FAM20A: variants seen among roughly 807,000 people sequenced by gnomAD.
The protein encoded by FAM20A is FAM20A golgi associated secretory pathway pseudokinase.
A neutral mutation model predicts 52.0 loss-of-function variants in FAM20A; 42 were observed. The observed-to-expected ratio is 0.81, with a 90% CI of 0.63 to 1.04. The LOEUF (loss-of-function observed/expected upper bound fraction) is 1.04, where lower values mean the gene tolerates loss of function less well. FAM20A is among the 50% of genes least tolerant of loss of function. The pLI is 0.00. For synonymous variants in FAM20A, 304 were observed against 298.9 expected, an observed-to-expected ratio of 1.02 and a Z score of -0.18; for missense variants, 742 against 712.7, an observed-to-expected ratio of 1.04 and a Z score of -0.47.
At position 68,550,002 on chromosome 17, in the gene FAM20A, C is replaced by G. The variant is rs147376721; in HGVS notation, c.719+1871G>C. ...GCCAACCACTTTGTTTTGTTTGGGA[C>G]AGATACATTAACCTGGAATGACTTG... On this transcript the variant is annotated intron_variant, in intron 4 of 10. Transcript: ENST00000592554. 3.9e-4 allele frequency among the ~76,000 whole-genome samples: 59 copies of G among 152,300 alleles called. No individual in the cohort carries two copies. In the East Asian group the frequency reaches 0.011, roughly 27 times the overall value.
intron 1 of FAM20A, among the ~76,000 whole-genome samples, chr17:68,572,001 TATATATATATATATATATATATATA>T (rs1447828761): frequency 3.4e-5 from 3 of 88,634 alleles, no homozygotes; most frequent in Non-Finnish European, 6.2e-5. Flanking sequence ...TATATATATA[TATATATATATATATATATATATATA>T]TATATATATA....
intron 1 of FAM20A, among the ~76,000 whole-genome samples, chr17:68,567,466 C>G (rs2087409471): frequency 6.6e-6 from 1 of 151,888 alleles, no homozygotes; most frequent in African/African-American, 2.4e-5. Flanking sequence ...GTGAAGGCCA[C>G]CTGTCATAGG....
At chr17:68,574,781 T>C (rs937093258) in intron 1 of FAM20A, among the ~76,000 whole-genome samples, 1 of 152,212 alleles carries the variant, frequency 6.6e-6, no homozygotes, top group Admixed American at 6.5e-5. Context: ...GGCTGAATAA[T>C]GGTGCCCCCA....
chr17:68,547,277 AT>A (rs912095594), intron 4 of FAM20A, among the ~76,000 whole-genome samples: 2 of 152,010 alleles, frequency 1.3e-5, no homozygotes, highest in East Asian at 3.9e-4. Context: ...TATTATTATT[AT>A]TTTTTTATTA....
intron 3 of FAM20A, among the ~76,000 whole-genome samples, chr17:68,554,029 T>A (rs1370573556): frequency 1.1e-5 from 1 of 89,556 alleles, no homozygotes; most frequent in Non-Finnish European, 1.9e-5. Flanking sequence ...TATACATATA[T>A]ACACACATGC....
intron 1 of FAM20A, among the ~76,000 whole-genome samples, chr17:68,574,832 A>G (rs1044167670): frequency 1.5e-4 from 23 of 152,106 alleles, no homozygotes; most frequent in African/African-American, 5.3e-4. Context: ...TACATACCCT[A>G]TGTGTCCAGA....
chr17:68,575,377 CTTT>C (rs2087697505), intron 1 of FAM20A, among the ~76,000 whole-genome samples: 1 of 125,216 alleles, frequency 8.0e-6, no homozygotes, highest in Non-Finnish European at 1.7e-5. Context: ...GTTCACTTTA[CTTT>C]ACATATATAT....
chr17:68,536,953 A>G lies in FAM20A; in HGVS notation c.*524T>C, dbSNP rs1030538740. 1 of 454,296 alleles carries G rather than the reference A, an allele frequency of 2.2e-6. No individual in the cohort carries two copies. The highest frequency in any genetic ancestry group is 2.0e-5 in the African/African-American group (1 of 50,136). The allele number at this position is 454,296 out of a possible 1,614,324, so 28.1% of individuals were successfully genotyped here. ...ACTGATTCAGATGGGTCCAGTGACT[A>G]GAATATGAGTAGAAAGTGTGAGGTC... On this transcript the variant is annotated 3_prime_UTR_variant, in exon 11 of 11. Coordinates refer to ENST00000592554, the MANE Select transcript of FAM20A (RefSeq NM_017565.4).
chr17:68,575,793 C>CACACACACAT (rs1454798198), intron 1 of FAM20A, among the ~76,000 whole-genome samples: 1 of 103,410 alleles, frequency 9.7e-6, no homozygotes, highest in Non-Finnish European at 1.9e-5. Context: ...TTATATTATA[C>CACACACACAT]ACACACACAC....
chr17:68,598,033 T>C (rs2088505203), intron 1 of FAM20A: 1 of 137,168 alleles, frequency 7.3e-6, no homozygotes, highest in Admixed American at 7.5e-5. Flanking sequence ...TGAGGCAAGG[T>C]TTCACTGTCA....
intron 3 of FAM20A, among the ~76,000 whole-genome samples, chr17:68,553,387 A>G (rs2086932916): frequency 6.6e-6 from 1 of 152,220 alleles, no homozygotes; most frequent in African/African-American, 2.4e-5. Flanking sequence ...CAGTGTAAAA[A>G]TGGACTAATA....
chr17:68,587,328 A>G (rs1324980259), intron 1 of FAM20A, among the ~76,000 whole-genome samples: 1 of 152,218 alleles, frequency 6.6e-6, no homozygotes, highest in Non-Finnish European at 1.5e-5. Flanking sequence ...CCTTGATGAT[A>G]TATCTAATTT....
chr17:68,584,043 G>A lies in FAM20A; in HGVS notation c.404+16220C>T, dbSNP rs528604708. 2.6e-5 allele frequency among the ~76,000 whole-genome samples: 4 copies of A among 152,346 alleles called. No homozygotes were observed. In the South Asian group the frequency reaches 8.3e-4, roughly 32 times the overall value. On this transcript the variant is annotated intron_variant, in intron 1 of 10. Transcript: ENST00000592554. ...TGAAGAGTTTAAGATCTGGCTGGGT[G>A]TGGTGGCTCACGCCTGTATTCTCAG...
chr17:68,581,899 CTCTG>C (rs553359611), intron 1 of FAM20A, among the ~76,000 whole-genome samples: 99 of 152,178 alleles, frequency 6.5e-4, no homozygotes, highest in African/African-American at 2.3e-3. Flanking sequence ...GTGTAACATA[CTCTG>C]TCTGAGCCAC....
intron 1 of FAM20A, among the ~76,000 whole-genome samples, chr17:68,568,948 C>T (rs2087461996): frequency 6.6e-6 from 1 of 151,786 alleles, no homozygotes; most frequent in Non-Finnish European, 1.5e-5. Flanking sequence ...AATAAAATTC[C>T]TAGGCACTGC....
rs769563324 is a variant in FAM20A, at chr17:68,600,482, G to A, written c.185C>T (p.Ser62Leu). 47 of 1,602,486 alleles carry A rather than the reference G, an allele frequency of 2.9e-5. No individual in the cohort carries two copies. Among genetic ancestry groups the A allele is most frequent in the Non-Finnish European group, 2.4e-5 (28 of 1,174,952 alleles). Reference sequence around the variant, plus strand: ...GTTGTGCACGATCGTGCCGGGGTCCGAGGCAGCTGCGGCCGAGTCCCGCGC... The same window carrying A: ...GTTGTGCACGATCGTGCCGGGGTCCAAGGCAGCTGCGGCCGAGTCCCGCGC... ...SLARDSAAAA[S>L]DPGTIVHNFS... Residue 62 changes from serine to leucine, a missense_variant, in exon 1 of 11, where the codon TCG (serine) becomes TTG (leucine). By Grantham distance (145) the Ser-to-Leu change is moderately radical. Coordinates refer to ENST00000592554, the MANE Select transcript of FAM20A (RefSeq NM_017565.4). The surrounding 1 kb of genome is among the most constrained non-coding windows in gnomAD (Gnocchi z 6.2).
chr17:68,573,448 CT>C (rs1568764081), intron 1 of FAM20A, among the ~76,000 whole-genome samples: 1 of 121,480 alleles, frequency 8.2e-6, no homozygotes, highest in African/African-American at 3.0e-5. Flanking sequence ...TTCTTTCTTT[CT>C]TTCTTTCTTC....
chr17:68,551,975 T>A, intron 3 of FAM20A, 24 bp from the exon 4 acceptor site: 1 of 1,509,660 alleles, frequency 6.6e-7, no homozygotes, highest in Non-Finnish European at 9.1e-7. Flanking sequence ...AAGGGTGAGT[T>A]AACCATGCTT....
intron 4 of FAM20A, among the ~76,000 whole-genome samples, chr17:68,548,056 G>A (rs2143601226): frequency 6.6e-6 from 1 of 152,258 alleles, no homozygotes; most frequent in Non-Finnish European, 1.5e-5. Flanking sequence ...GGAGGCCTGA[G>A]GACTGGGAGA....
Sources: gnomAD v4.1 joint callset for allele counts (sites outside exome capture counted in the v4.1 genomes callset) on GRCh38, gnomAD v4.1.1 for gene constraint, Gnocchi (gnomAD v3.1) non-coding constraint, MANE v1.5 for transcripts, NCBI Gene and HGNC (gene_info 2026-07-23, HGNC 2026-07-21) for gene names.